Variants in CADM2 observed in about 807,000 individuals in gnomAD.
CADM2 encodes immunoglobulin superfamily member 4D.
Under a neutral mutation model 49.8 loss-of-function variants are expected in CADM2, and 12 were observed. The observed-to-expected ratio is 0.24, with a 90% CI of 0.15 to 0.39. The LOEUF is 0.39. Ranked by LOEUF, CADM2 falls within the 10% of genes least tolerant of loss-of-function variation. The pLI is 1.00. For synonymous variants in CADM2, 214 were observed against 175.4 expected, an observed-to-expected ratio of 1.22 and a Z score of -1.74; for missense variants, 378 against 492.3, an observed-to-expected ratio of 0.77 and a Z score of 2.20.
intron 1 of CADM2, among the ~76,000 whole-genome samples, chr3:85,707,955 G>T (rs1397943046): frequency 6.6e-6 from 1 of 152,120 alleles, no homozygotes; most frequent in South Asian, 2.1e-4. Flanking sequence ...TTTACAAAAG[G>T]TAAGTCAGGA....
intron 1 of CADM2, among the ~76,000 whole-genome samples, chr3:85,321,116 A>ATATTTTTTTTTT (rs2044596196): frequency 3.6e-5 from 1 of 27,494 alleles, no homozygotes; most frequent in Non-Finnish European, 6.5e-5. Flanking sequence ...ATATATATAT[A>ATATTTTTTTTTT]TTTTTTTTTT....
At chr3:85,959,292 A>G in intron 7 of CADM2, among the ~76,000 whole-genome samples, 1 of 151,644 alleles carries the variant, frequency 6.6e-6, no homozygotes, top group Admixed American at 6.6e-5. Context: ...GACCTTCTGC[A>G]TGCTCTGCAA....
chr3:85,986,217 G>A (rs2108684183), intron 8 of CADM2, among the ~76,000 whole-genome samples: 1 of 151,720 alleles, frequency 6.6e-6, no homozygotes, highest in East Asian at 1.9e-4. Flanking sequence ...TGGTTTAAAT[G>A]CTTTAAAAAC....
At chr3:85,350,926 G>T (rs925716803) in intron 1 of CADM2, among the ~76,000 whole-genome samples, 3 of 152,068 alleles carry the variant, frequency 2.0e-5, no homozygotes, top group Non-Finnish European at 4.4e-5. Context: ...AATGTTAGCA[G>T]AATTTTGTAT....
chr3:85,155,364 G>T (rs1027170481), intron 1 of CADM2, among the ~76,000 whole-genome samples: 1 of 151,616 alleles, frequency 6.6e-6, no homozygotes, highest in African/African-American at 2.4e-5. Flanking sequence ...TAATGGTAAA[G>T]GGATCAATTC....
At chr3:85,835,775 A>ATC (rs1370916362) in intron 3 of CADM2, among the ~76,000 whole-genome samples, 1 of 147,614 alleles carries the variant, frequency 6.8e-6, no homozygotes, top group Non-Finnish European at 1.5e-5. Context: ...ATATATATAT[A>ATC]TCCCTTGCTT....
rs1309087300 is a variant in CADM2, at chr3:85,603,929, T to C, written c.62-122593T>C. 2.6e-5 allele frequency among the ~76,000 whole-genome samples: 4 copies of C among 151,954 alleles called. No individual in the cohort carries two copies. The Admixed American group carries it at 2.6e-4, about 10-fold the overall frequency. ...AAAGTATTTTAAAGCTATCACTTGG[T>C]TCATCTTTCTCTTTGCATTTTTAGT... On this transcript the variant is annotated intron_variant, in intron 1 of 9. Coordinates refer to ENST00000383699, the MANE Select transcript of CADM2 (RefSeq NM_001167675.2).
At chr3:85,816,580 C>A (rs2073218928) in intron 3 of CADM2, among the ~76,000 whole-genome samples, 1 of 152,068 alleles carries the variant, frequency 6.6e-6, no homozygotes, top group Non-Finnish European at 1.5e-5. Flanking sequence ...ATTTTAACAT[C>A]AAGTACAAAA....
intron 3 of CADM2, among the ~76,000 whole-genome samples, chr3:85,817,323 T>C (rs181065256): frequency 2.6e-5 from 4 of 152,324 alleles, no homozygotes; most frequent in Admixed American, 2.6e-4. Flanking sequence ...AGAAGGGTAG[T>C]AGTTTAGAAA....
chr3:86,061,194 T>G (rs1293437475), intron 8 of CADM2, among the ~76,000 whole-genome samples: 1 of 152,052 alleles, frequency 6.6e-6, no homozygotes, highest in Non-Finnish European at 1.5e-5. Context: ...TAATACACTA[T>G]ATAAAGCAAA....
At chr3:85,390,183 A>T (rs1459309310) in intron 1 of CADM2, among the ~76,000 whole-genome samples, 1 of 152,026 alleles carries the variant, frequency 6.6e-6, no homozygotes, top group Non-Finnish European at 1.5e-5. Context: ...GATTCTGAGG[A>T]TTTAAAAAAA....
chr3:85,686,264 T>G (rs947657882), intron 1 of CADM2, among the ~76,000 whole-genome samples: 3 of 152,216 alleles, frequency 2.0e-5, no homozygotes, highest in Non-Finnish European at 4.4e-5. Context: ...AGTTTTATCT[T>G]AAGTTGAACT....
At chr3:85,636,409 G>C (rs11127904) in intron 1 of CADM2, among the ~76,000 whole-genome samples, 1 of 152,052 alleles carries the variant, frequency 6.6e-6, no homozygotes, top group African/African-American at 2.4e-5. Flanking sequence ...AAAGAAAATA[G>C]TTTGTACAGT....
chr3:85,148,879 G>A (rs1395361280), intron 1 of CADM2, among the ~76,000 whole-genome samples: 1 of 152,048 alleles, frequency 6.6e-6, no homozygotes, highest in Non-Finnish European at 1.5e-5. Context: ...CTGAGGAGGA[G>A]GAGAAAGAGG....
intron 1 of CADM2, among the ~76,000 whole-genome samples, chr3:85,596,118 T>C (rs2063232874): frequency 6.6e-6 from 1 of 151,896 alleles, no homozygotes; most frequent in African/African-American, 2.4e-5. Flanking sequence ...AAAATATGTA[T>C]TATGCATTCT....
chr3:85,689,331 T>A (rs975396586), intron 1 of CADM2, among the ~76,000 whole-genome samples: 1 of 152,184 alleles, frequency 6.6e-6, no homozygotes, highest in Non-Finnish European at 1.5e-5. Flanking sequence ...TTTATCTCTA[T>A]GAAGCTATTT....
At chr3:85,382,026 G>C (rs2033936903) in intron 1 of CADM2, among the ~76,000 whole-genome samples, 1 of 151,732 alleles carries the variant, frequency 6.6e-6, no homozygotes, top group Non-Finnish European at 1.5e-5. Context: ...AAAAAGTTAG[G>C]TGTGATCAGT....
At chr3:84,987,222 G>C (rs772136163) in intron 1 of CADM2, among the ~76,000 whole-genome samples, 6 of 151,874 alleles carry the variant, frequency 4.0e-5, no homozygotes, top group Non-Finnish European at 8.8e-5. Context: ...TCGGCTCACT[G>C]AAAGTTCCAT....
intron 1 of CADM2, among the ~76,000 whole-genome samples, chr3:85,295,151 A>C (rs2043922305): frequency 6.6e-6 from 1 of 152,210 alleles, no homozygotes; most frequent in African/African-American, 2.4e-5. Flanking sequence ...GACACTTCTC[A>C]AAAGAAGCCA....
Sources: gnomAD v4.1 joint callset for allele counts (sites outside exome capture counted in the v4.1 genomes callset) on GRCh38, gnomAD v4.1.1 for gene constraint, MANE v1.5 for transcripts, NCBI Gene and HGNC (gene_info 2026-07-23, HGNC 2026-07-21) for gene names.